SLC16A7: variants seen among roughly 807,000 people sequenced by gnomAD.
SLC16A7 encodes solute carrier family 16 member 7.
SLC16A7 carries 33 observed loss-of-function variants against 34.9 expected under a neutral mutation model. The ratio of observed to expected loss-of-function variants is 0.94; its 90% confidence interval spans 0.72 to 1.26. SLC16A7 has a LOEUF of 1.26. Among genes scored for constraint, SLC16A7 ranks in the 50% most tolerant of loss-of-function variants. SLC16A7 has a pLI of 0.00. For synonymous variants in SLC16A7, 201 were observed against 206.6 expected, an observed-to-expected ratio of 0.97 and a Z score of 0.23; for missense variants, 573 against 578.1, an observed-to-expected ratio of 0.99 and a Z score of 0.09.
At chr12:59,777,234 T>C (rs1244037669) in intron 5 of SLC16A7, among the ~76,000 whole-genome samples, 1 of 152,220 alleles carries the variant, frequency 6.6e-6, no homozygotes, top group Non-Finnish European at 1.5e-5. Context: ...TTTAGACCTA[T>C]TGTTGAAACT....
intron 2 of SLC16A7, chr12:59,689,411 A>G (rs942317309): frequency 6.6e-6 from 1 of 152,006 alleles, no homozygotes; most frequent in Non-Finnish European, 1.5e-5. Flanking sequence ...GAGTCCATAG[A>G]TCAGGGAAAC....
chr12:59,668,703 T>A (rs1188928640), intron 2 of SLC16A7, among the ~76,000 whole-genome samples: 3 of 152,170 alleles, frequency 2.0e-5, no homozygotes, highest in Non-Finnish European at 4.4e-5. Context: ...GAAGGCATGA[T>A]GGGTTTTAAA....
intron 2 of SLC16A7, among the ~76,000 whole-genome samples, chr12:59,671,822 T>C (rs1035855847): frequency 7.2e-6 from 1 of 138,188 alleles, no homozygotes; most frequent in South Asian, 2.2e-4. Flanking sequence ...TATATATGTG[T>C]ATATGTATAT....
intron 1 of SLC16A7, among the ~76,000 whole-genome samples, chr12:59,628,540 C>A (rs1477639456): frequency 6.6e-6 from 1 of 151,798 alleles, no homozygotes; most frequent in Non-Finnish European, 1.5e-5. Flanking sequence ...GAGCCGTAAA[C>A]AAACCCTCTG....
At chr12:59,644,475 G>A (rs1316808238) in intron 1 of SLC16A7, among the ~76,000 whole-genome samples, 1 of 152,160 alleles carries the variant, frequency 6.6e-6, no homozygotes, top group African/African-American at 2.4e-5. Context: ...GCTGAGGCAC[G>A]AGAATTGCTT....
chr12:59,685,592 A>T (rs968077986), intron 2 of SLC16A7, among the ~76,000 whole-genome samples: 4 of 152,140 alleles, frequency 2.6e-5, no homozygotes, highest in African/African-American at 9.7e-5. Context: ...ATCCAACAAC[A>T]TGTGGTTGAT....
intron 1 of SLC16A7, among the ~76,000 whole-genome samples, chr12:59,631,906 G>A (rs1880200550): frequency 1.3e-5 from 2 of 152,018 alleles, no homozygotes; most frequent in Non-Finnish European, 2.9e-5. Context: ...TAGTGTGTGT[G>A]TATTTGTGTG....
intron 4 of SLC16A7, among the ~76,000 whole-genome samples, chr12:59,772,519 T>C (rs1882332335): frequency 6.6e-6 from 1 of 150,952 alleles, no homozygotes; most frequent in African/African-American, 2.5e-5. Flanking sequence ...GGCTCTTAAA[T>C]ACTTTGATGC....
intron 1 of SLC16A7, among the ~76,000 whole-genome samples, chr12:59,600,709 A>G (rs1456671472): frequency 6.6e-6 from 1 of 152,170 alleles, no homozygotes; most frequent in African/African-American, 2.4e-5. Context: ...GGAGAAAATT[A>G]AACAAATTGG....
chr12:59,690,077 CAA>C (rs977741537), intron 2 of SLC16A7, among the ~76,000 whole-genome samples: 5 of 151,788 alleles, frequency 3.3e-5, no homozygotes, highest in African/African-American at 9.7e-5. Context: ...AGGAGAAAAA[CAA>C]AAACAAAACG....
chr12:59,681,045 A>G (rs1302718839), intron 2 of SLC16A7, among the ~76,000 whole-genome samples: 1 of 152,212 alleles, frequency 6.6e-6, no homozygotes. Flanking sequence ...AGTGCTTCCA[A>G]AGTAACTGAT....
At chr12:59,633,932 G>A (rs988034288) in intron 1 of SLC16A7, among the ~76,000 whole-genome samples, 1 of 152,056 alleles carries the variant, frequency 6.6e-6, no homozygotes, top group African/African-American at 2.4e-5. Context: ...TTTGGGTGGG[G>A]ACACAGAGCC....
intron 3 of SLC16A7, among the ~76,000 whole-genome samples, chr12:59,725,492 T>C (rs1043016299): frequency 6.6e-5 from 10 of 152,152 alleles, no homozygotes; most frequent in Admixed American, 1.3e-4. Context: ...CTATTAAAAA[T>C]GGTTCATCAG....
chr12:59,671,258 T>G (rs1481329803), intron 2 of SLC16A7, among the ~76,000 whole-genome samples: 1 of 152,184 alleles, frequency 6.6e-6, no homozygotes, highest in African/African-American at 2.4e-5. Context: ...ACATGCTTTA[T>G]TTGTTTAATA....
chr12:59,729,566 TTCA>T (rs759850670), intron 3 of SLC16A7, among the ~76,000 whole-genome samples: 34 of 152,190 alleles, frequency 2.2e-4, no homozygotes, highest in Non-Finnish European at 4.4e-4. Flanking sequence ...CCTTTTATGG[TTCA>T]TCTTTCTCTA....
At chr12:59,764,014 G>A (rs570498986) in intron 3 of SLC16A7, 1 of 152,228 alleles carries the variant, frequency 6.6e-6, no homozygotes, top group South Asian at 2.1e-4. Context: ...TAAACCTACA[G>A]TGGCTTCTAA....
chr12:59,714,493 C>T (rs1050648910), intron 3 of SLC16A7, among the ~76,000 whole-genome samples: 3 of 152,012 alleles, frequency 2.0e-5, no homozygotes, highest in African/African-American at 7.2e-5. Context: ...ATGGCTGCCT[C>T]CTAGTTGTGT....
chr12:59,662,506 A>G (rs1269667246), intron 2 of SLC16A7, among the ~76,000 whole-genome samples: 1 of 152,064 alleles, frequency 6.6e-6, no homozygotes, highest in Non-Finnish European at 1.5e-5. Context: ...ACTTTTGAGA[A>G]TTTATAACCT....
chr12:59,713,046 G>T lies in SLC16A7; in HGVS notation c.217+8028G>T, dbSNP rs373404879. 2.6e-5 allele frequency among the ~76,000 whole-genome samples: 4 copies of T among 150,994 alleles called. No homozygotes were observed. The East Asian group carries it at 7.8e-4, about 29-fold the overall frequency. The stretch of plus-strand genomic sequence containing the variant: ...CTTTTCTTTTCTTTTTTGAGATGTA[G>T]TCTCGCTCTGTTGCCCAGGTTGGAG... On this transcript the variant is annotated intron_variant, in intron 3 of 5. Coordinates refer to ENST00000547379, the MANE Select transcript of SLC16A7 (RefSeq NM_001270623.2).
Sources: gnomAD v4.1 joint callset for allele counts (sites outside exome capture counted in the v4.1 genomes callset) on GRCh38, gnomAD v4.1.1 for gene constraint, MANE v1.5 for transcripts, NCBI Gene and HGNC (gene_info 2026-07-23, HGNC 2026-07-21) for gene names.